Variants in PKD1 observed in about 807,000 individuals in gnomAD.
The protein encoded by PKD1 is polycystin 1, transient receptor potential channel interacting.
Under a neutral mutation model 361.7 loss-of-function variants are expected in PKD1, and 81 were observed. The ratio of observed to expected loss-of-function variants is 0.22; its 90% confidence interval spans 0.19 to 0.27. PKD1 has a LOEUF of 0.27. Among genes scored for constraint, PKD1 ranks in the 10% least tolerant of loss-of-function variants. The pLI is 1.00. For missense variants in PKD1, 6,399 were observed against 6,118.3 expected (o/e 1.05, Z -1.53); for synonymous variants, 3,615 against 2,818.3 (o/e 1.28, Z -8.95).
Position 2,091,617 on chromosome 16 carries a change from C to T in PKD1, c.11538-20G>A. ...CGGCTCCTGCGCAGAGGGTGCGGGT[C>T]AGTAGGAGCGGGTGGCAGGGCGGGA... is the stretch of plus-strand genomic sequence containing the variant. On this transcript the variant is annotated intron_variant, in intron 41 of 45. Transcript: ENST00000262304. 1 of 1,562,268 alleles carries T rather than the reference C, an allele frequency of 6.4e-7. No individual in the cohort carries two copies. The highest frequency in any genetic ancestry group is 8.6e-7 in the Non-Finnish European group (1 of 1,162,144).
rs571263363 is a variant in PKD1 at position 2,090,073 on chromosome 16, G to A, written c.12566C>T (p.Thr4189Ile). 9 of 1,610,522 alleles carry A rather than the reference G, an allele frequency of 5.6e-6. No homozygotes were observed. Among genetic ancestry groups the A allele is most frequent in the Admixed American group, 5.0e-5 (3 of 59,934 alleles). The change falls in exon 46 of 46, where the codon ACC becomes ATC. Residue 4189 changes from threonine (T) to isoleucine (I), a missense_variant. Physicochemically the swap from Thr to Ile is moderately conservative, Grantham distance 89 (BLOSUM62 -1). Transcript: ENST00000262304. The part of the protein sequence containing the change: ...SAGSDASHPS[T>I]SSSQLDGLSV... ...CAGCCCATCCAGCTGGCTGGAGGAGGTGGAGGGGTGCGAGGCATCGGAGCC... is the reference window on the plus strand; with the variant it reads ...CAGCCCATCCAGCTGGCTGGAGGAGATGGAGGGGTGCGAGGCATCGGAGCC...
In PKD1 at chr16:2,105,363, C is replaced by T. The variant is rs1382647029; in HGVS notation, c.7975G>A (p.Asp2659Asn). 1 of 1,592,314 alleles carries T rather than the reference C, an allele frequency of 6.3e-7. No individual in the cohort carries two copies. The part of the protein sequence containing the change: ...TLVSLRVHTV[D>N]DIQQIAAALA... ...GCAGCAGCGATCTGCTGGATGTCAT[C>T]CACAGTGTGGACCCTCAGGGACACC... Residue 2659 changes from aspartate to asparagine, a missense_variant, in exon 21 of 46, where the codon GAT becomes AAT. Transcript: ENST00000262304.
chr16:2,118,295 C>G lies in PKD1; in HGVS notation c.697G>C (p.Gly233Arg). The stretch of plus-strand genomic sequence containing the variant: ...GAGGCACTGGAGGGCTGGGCCGCCC[C>G]ACACAGGCACCAGCCCTGCTCCGAG... ...ALSEQGWCLCGAAQPSSASFA... is the reference protein window; with the variant it reads ...ALSEQGWCLCRAAQPSSASFA... The change falls in exon 5 of 46, where the codon GGG becomes CGG. Residue 233 changes from glycine (G) to arginine (R), a missense_variant. By Grantham distance (125) the Gly-to-Arg change is moderately radical. Coordinates refer to ENST00000262304, the MANE Select transcript of PKD1 (RefSeq NM_001009944.3). This position sits in a 1 kb window ranked among gnomAD's most constrained non-coding sequence, Gnocchi z 6.0. 3.3e-6 allele frequency: 5 copies of G among 1,529,688 alleles called. No homozygotes were observed. Among genetic ancestry groups the G allele is most frequent in the Non-Finnish European group, 4.4e-6 (5 of 1,142,812 alleles). 94.8% of individuals were successfully genotyped at this position (1,529,688 alleles called of 1,614,324 possible). A position where few individuals can be genotyped will look rare whatever the true frequency, so the allele number is the denominator to read the frequency against.
rs946283973 is a variant in PKD1, at chr16:2,089,218, C to G, written c.*509G>C. The G allele has an allele frequency of 5.7e-6, 1 of 174,044 alleles. No individual in the cohort carries two copies. Among genetic ancestry groups the G allele is most frequent in the Admixed American group, 5.5e-5 (1 of 18,292 alleles). The allele number at this position is 174,044 out of a possible 1,614,324, so 10.8% of individuals were successfully genotyped here. ...GGGGAGGCCAGCTCTGGGCGCAGGC[C>G]CCTCAGCCCTAGTGAAAATAGTGAC... On this transcript the variant is annotated 3_prime_UTR_variant, in exon 46 of 46. Coordinates refer to ENST00000262304, the MANE Select transcript of PKD1 (RefSeq NM_001009944.3).
At chr16:2,095,864 C>T (rs1043913413) in intron 34 of PKD1, among the ~76,000 whole-genome samples, 1 of 152,188 alleles carries the variant, frequency 6.6e-6, no homozygotes, top group African/African-American at 2.4e-5. Context: ...GCCGGAGATA[C>T]CTGGGGCTGG....
rs867977987 is a variant in PKD1 at position 2,135,252 on chromosome 16, C to A, written c.215+223G>T. The A allele has an allele frequency of 1.6e-4, 155 of 985,322 alleles. 1 individual carries two copies. The African/African-American group carries it at 2.5e-3, about 16-fold the overall frequency. 61.0% of individuals were successfully genotyped at this position (985,322 alleles called of 1,614,324 possible). A position where few individuals can be genotyped will look rare whatever the true frequency, so the allele number is the denominator to read the frequency against. On this transcript the variant is annotated intron_variant, in intron 1 of 45. Coordinates refer to ENST00000262304, the MANE Select transcript of PKD1 (RefSeq NM_001009944.3). ...GCCCCCGCTGGCGTCTGCAGAGCCC[C>A]CGGGTGGGACGTCTGTCTCCAGACC... is the stretch of plus-strand genomic sequence containing the variant.
chr16:2,101,039 G>C (rs2092076299), intron 26 of PKD1, among the ~76,000 whole-genome samples: 1 of 151,836 alleles, frequency 6.6e-6, no homozygotes, highest in Non-Finnish European at 1.5e-5. Context: ...AGGCTGGAGT[G>C]CAGTGGCGCA....
chr16:2,130,732 C>G (rs2092863991), intron 1 of PKD1, among the ~76,000 whole-genome samples: 1 of 152,202 alleles, frequency 6.6e-6, no homozygotes, highest in South Asian at 2.1e-4. Flanking sequence ...CAATCCCAGG[C>G]AGGGGCCCCG....
chr16:2,124,983 C>G (rs1193667645), intron 1 of PKD1, among the ~76,000 whole-genome samples: 1 of 152,170 alleles, frequency 6.6e-6, no homozygotes, highest in Non-Finnish European at 1.5e-5. Flanking sequence ...GAGAGCAGGC[C>G]CAGGGTGAGG....
At position 2,092,960 on chromosome 16, in the gene PKD1, A is replaced by G; in HGVS notation, c.11150T>C (p.Ile3717Thr). ...GTGCACCGGATGCCCGTACCGCGTG[A>G]TGGCCAGGAAGGCCCGGCTGTGCAG... Reference protein sequence around the residue: ...QELHSRAFLAITRSEELWPWM... With the variant: ...QELHSRAFLATTRSEELWPWM... The change falls in exon 38 of 46, where the codon ATC becomes ACC. Residue 3717 changes from isoleucine to threonine, a missense_variant. By Grantham distance (89) the Ile-to-Thr change is moderately conservative (BLOSUM62 -1). Coordinates refer to ENST00000262304, the MANE Select transcript of PKD1 (RefSeq NM_001009944.3). 1 of 1,613,010 alleles carries G rather than the reference A, an allele frequency of 6.2e-7. No individual in the cohort carries two copies. Among genetic ancestry groups the G allele is most frequent in the East Asian group, 2.2e-5 (1 of 44,880 alleles).
chr16:2,089,961 A>G lies in PKD1; in HGVS notation c.12678T>C (p.Phe4226=). 2 of 1,612,212 alleles carry G rather than the reference A, an allele frequency of 1.2e-6. No homozygotes were observed. Among genetic ancestry groups the G allele is most frequent in the South Asian group, 2.2e-5 (2 of 90,966 alleles). ...QAVFEALLTQ[F]DRLNQATEDV... The stretch of plus-strand genomic sequence containing the variant: ...CCTCTGTGGCCTGGTTGAGTCGGTC[A>G]AACTGGGTGAGCAGGGCCTCGAACA... The change falls in exon 46 of 46, where the codon TTT becomes TTC. Residue 4226 remains phenylalanine (F), a synonymous_variant. Coordinates refer to ENST00000262304, the MANE Select transcript of PKD1 (RefSeq NM_001009944.3).
chr16:2,089,666 G>C lies in PKD1; in HGVS notation c.*61C>G, dbSNP rs997006362. On this transcript the variant is annotated 3_prime_UTR_variant, in exon 46 of 46. Coordinates refer to ENST00000262304, the MANE Select transcript of PKD1 (RefSeq NM_001009944.3). Reference sequence around the variant, plus strand: ...CTGGCCCTCGGCCTTGACAGCGGCAGAAAGTAATACTGAGCGGTGTCCACT... The same window carrying C: ...CTGGCCCTCGGCCTTGACAGCGGCACAAAGTAATACTGAGCGGTGTCCACT... The C allele has an allele frequency of 8.5e-6, 13 of 1,537,880 alleles. No individual in the cohort carries two copies. The highest frequency in any genetic ancestry group is 7.2e-5 in the South Asian group (6 of 83,718).
chr16:2,101,468 T>G (rs933281070), intron 26 of PKD1, among the ~76,000 whole-genome samples: 4 of 151,820 alleles, frequency 2.6e-5, no homozygotes, highest in African/African-American at 9.7e-5. Flanking sequence ...TGGTGAAAAA[T>G]TAACTGGGTG....
chr16:2,123,064 G>A (rs4091471), intron 1 of PKD1, among the ~76,000 whole-genome samples: 1 of 152,170 alleles, frequency 6.6e-6, no homozygotes, highest in Non-Finnish European at 1.5e-5. Context: ...AGAGCCCCCC[G>A]GCTCCCCGCC....
chr16:2,107,586 G>A, intron 16 of PKD1: 2 of 504,936 alleles, frequency 4.0e-6, no homozygotes, highest in Non-Finnish European at 7.3e-6. Flanking sequence ...AGGGACATGG[G>A]CTGGGGACAG....
At position 2,106,337 on chromosome 16, in the gene PKD1, G is replaced by C. The variant is rs746367897; in HGVS notation, c.7490-33C>G. The C allele has an allele frequency of 6.2e-7, 1 of 1,600,702 alleles. No individual in the cohort carries two copies. The highest frequency in any genetic ancestry group is 1.7e-5 in the Admixed American group (1 of 59,582). ...ACGGTCCCCACGGCATCACGGGAGG[G>C]CTCCGTGACGTCACAGAGTCGGGGG... On this transcript the variant is annotated intron_variant, in intron 18 of 45. Transcript: ENST00000262304. The surrounding 1 kb of genome is among the most constrained non-coding windows in gnomAD (Gnocchi z 6.5).
chr16:2,108,344 C>A lies in PKD1; in HGVS notation c.6823G>T (p.Val2275Leu), dbSNP rs755647251. The change falls in exon 15 of 46, where the codon GTG (valine) becomes TTG (leucine). Residue 2275 changes from valine (V) to leucine (L), a missense_variant. Coordinates refer to ENST00000262304, the MANE Select transcript of PKD1 (RefSeq NM_001009944.3). ...YRVWSDTRDL[V>L]LDGSESYDPN... is the part of the protein sequence containing the mutation. ...TCGTAGGACTCGCTCCCATCCAGCA[C>A]CAGGTCCCGTGTGTCTGACCACACG... is the stretch of plus-strand genomic sequence containing the variant. The A allele has an allele frequency of 1.9e-5, 31 of 1,608,488 alleles. No individual in the cohort carries two copies. Among genetic ancestry groups the A allele is most frequent in the Non-Finnish European group, 2.6e-5 (31 of 1,178,106 alleles).
chr16:2,115,802 C>T (rs2092623476), intron 9 of PKD1, among the ~76,000 whole-genome samples, 177 bp from the exon 10 acceptor site: 1 of 152,322 alleles, frequency 6.6e-6, no homozygotes, highest in Admixed American at 6.5e-5. Context: ...CAGGCCGGCC[C>T]CCAGGCAGGC....
chr16:2,095,864 C>G (rs1043913413), intron 34 of PKD1, among the ~76,000 whole-genome samples: 1 of 152,188 alleles, frequency 6.6e-6, no homozygotes, highest in Non-Finnish European at 1.5e-5. Context: ...GCCGGAGATA[C>G]CTGGGGCTGG....
Sources: gnomAD v4.1 joint callset for allele counts (sites outside exome capture counted in the v4.1 genomes callset) on GRCh38, gnomAD v4.1.1 for gene constraint, Gnocchi (gnomAD v3.1) non-coding constraint, MANE v1.5 for transcripts, NCBI Gene and HGNC (gene_info 2026-07-23, HGNC 2026-07-21) for gene names.